The following GLRA2 variants were observed in gnomAD, a reference collection of about 807,000 sequenced individuals.
GLRA2 encodes glycine receptor subunit alpha-2.
A neutral mutation model predicts 31.6 loss-of-function variants in GLRA2; 11 were observed. The ratio of observed to expected loss-of-function variants is 0.35; its 90% CI spans 0.22 to 0.58. The LOEUF (loss-of-function observed/expected upper bound fraction) is 0.58. Among genes scored for constraint, GLRA2 ranks in the 20% least tolerant of loss-of-function variants. GLRA2 has a pLI of 0.84. For missense variants in GLRA2, 212 were observed against 351.8 expected, an observed-to-expected ratio of 0.60 and a Z score of 3.18; for synonymous variants, 132 against 134.0, an observed-to-expected ratio of 0.99 and a Z score of 0.10.
At chrX:14,535,706 T>C (rs2089314376) in intron 2 of GLRA2, among the ~76,000 whole-genome samples, 1 of 112,494 alleles carries the variant, frequency 8.9e-6, no homozygotes, top group South Asian at 3.6e-4. Context: ...GTTGATTCTA[T>C]ATCAAGAGAT....
chrX:14,572,792 G>A, intron 2 of GLRA2, among the ~76,000 whole-genome samples: 1 of 112,120 alleles, frequency 8.9e-6, no homozygotes, highest in East Asian at 2.8e-4. Context: ...GTAGACTTAA[G>A]GAGGGCTACA....
chrX:14,657,665 C>T (rs754099274), intron 7 of GLRA2, among the ~76,000 whole-genome samples: 3 of 112,426 alleles, frequency 2.7e-5, no homozygotes, highest in South Asian at 3.7e-4. Flanking sequence ...TTTATTTCTA[C>T]AGTTCAGCTG....
chrX:14,647,909 A>G (rs747333787), intron 7 of GLRA2, among the ~76,000 whole-genome samples: 4 of 112,426 alleles, frequency 3.6e-5, no homozygotes, highest in Non-Finnish European at 7.5e-5. Flanking sequence ...GTAAAAGGAA[A>G]TAGTGAAAAA....
chrX:14,674,733 G>A (rs2091126899), intron 7 of GLRA2, among the ~76,000 whole-genome samples: 1 of 108,803 alleles, frequency 9.2e-6, no homozygotes, highest in African/African-American at 3.4e-5. Flanking sequence ...TAGTCTCCCA[G>A]TTTTTCTCTT....
the GLRA2 span, among the ~76,000 whole-genome samples, chrX:14,477,295 C>G: frequency 1.8e-5 from 2 of 111,712 alleles, no homozygotes; most frequent in Admixed American, 1.9e-4. Flanking sequence ...AACCTTTCCA[C>G]ATAGTCATCT....
chrX:14,704,318 C>T (rs2091589283), intron 8 of GLRA2, among the ~76,000 whole-genome samples: 1 of 112,383 alleles, frequency 8.9e-6, no homozygotes. Context: ...TACCTTGAAC[C>T]TTCTTCTTTC....
At chrX:14,630,602 C>T (rs192680658) in intron 7 of GLRA2, among the ~76,000 whole-genome samples, 91 of 111,473 alleles carry the variant, frequency 8.2e-4, no homozygotes, top group African/African-American at 2.9e-3. Flanking sequence ...GGCTATTTGA[C>T]ATTGTTATAC....
At chrX:14,684,812 T>C (rs1406604546) in intron 7 of GLRA2, among the ~76,000 whole-genome samples, 1 of 111,246 alleles carries the variant, frequency 9.0e-6, no homozygotes, top group African/African-American at 3.3e-5. Context: ...TTTATTTCCT[T>C]CTCCTGCCTG....
At chrX:14,632,768 T>C (rs972557796) in intron 7 of GLRA2, among the ~76,000 whole-genome samples, 1 of 111,638 alleles carries the variant, frequency 9.0e-6, no homozygotes, top group Non-Finnish European at 1.9e-5. Context: ...CTTAACGCCA[T>C]GGATGCTGCC....
chrX:14,494,599 G>C, the GLRA2 span, among the ~76,000 whole-genome samples: 6 of 111,516 alleles, frequency 5.4e-5, no homozygotes, highest in Non-Finnish European at 1.1e-4. Flanking sequence ...TGAGAAAGCT[G>C]TTCAGTGTTT....
At chrX:14,622,863 T>TAAAGC (rs1218912929) in intron 7 of GLRA2, among the ~76,000 whole-genome samples, 1 of 111,897 alleles carries the variant, frequency 8.9e-6, no homozygotes, top group African/African-American at 3.2e-5. Flanking sequence ...ATATGAACTT[T>TAAAGC]AGTTGTTTCC....
chrX:14,677,107 T>C (rs746602149), intron 7 of GLRA2, among the ~76,000 whole-genome samples: 1 of 111,827 alleles, frequency 8.9e-6, no homozygotes, highest in Non-Finnish European at 1.9e-5. Context: ...TAATAAGTAT[T>C]CTCCTTTCCG....
At chrX:14,467,847 C>T in the GLRA2 span, among the ~76,000 whole-genome samples, 20,292 of 105,434 alleles carry the variant, frequency 0.19, 1,440 homozygotes, top group African/African-American at 0.21. Context: ...GTGTAAGGAC[C>T]GAAAAAAAAA....
intron 7 of GLRA2, among the ~76,000 whole-genome samples, chrX:14,672,164 C>A (rs1008164496): frequency 6.2e-5 from 7 of 112,314 alleles, no homozygotes; most frequent in African/African-American, 2.3e-4. Flanking sequence ...AGCTGAGGTC[C>A]ACATTTTTGG....
At chrX:14,729,124 C>G (rs1439134092) in intron 8 of GLRA2, among the ~76,000 whole-genome samples, 6 of 112,090 alleles carry the variant, frequency 5.4e-5, no homozygotes, top group African/African-American at 1.9e-4. Context: ...TGGATGAAGA[C>G]ACTACTGACA....
intron 1 of GLRA2, among the ~76,000 whole-genome samples, chrX:14,530,606 G>A (rs2089241611): frequency 9.0e-6 from 1 of 111,326 alleles, no homozygotes; most frequent in African/African-American, 3.3e-5. Context: ...CTACAATTCA[G>A]GAATTTTCTT....
intron 8 of GLRA2, among the ~76,000 whole-genome samples, chrX:14,694,816 A>G (rs1029282051): frequency 2.7e-5 from 3 of 112,450 alleles, no homozygotes; most frequent in Non-Finnish European, 3.8e-5. Flanking sequence ...TGGAGGTAAA[A>G]CCAATAGGTC....
intron 7 of GLRA2, among the ~76,000 whole-genome samples, chrX:14,662,155 T>C (rs2090997240): frequency 9.1e-6 from 1 of 110,013 alleles, no homozygotes; most frequent in South Asian, 3.9e-4. Context: ...TATTACCAAG[T>C]TTGTTACTAT....
intron 7 of GLRA2, among the ~76,000 whole-genome samples, chrX:14,670,998 T>G (rs1181954065): frequency 8.9e-6 from 1 of 111,955 alleles, no homozygotes. Flanking sequence ...AAATACTAGT[T>G]TCTGTTTCAG....
Sources: allele counts gnomAD v4.1 joint callset (sites outside exome capture counted in the v4.1 genomes callset), GRCh38; gene constraint gnomAD v4.1.1; transcripts MANE v1.5; gene names NCBI Gene and HGNC (gene_info 2026-07-23, HGNC 2026-07-21).